CAPN14: variants seen among roughly 807,000 people sequenced by gnomAD.
The protein encoded by CAPN14 is calpain 14.
CAPN14 carries 94 observed loss-of-function variants against 101.3 expected under a neutral mutation model. That is an observed-to-expected ratio of 0.93 (90% CI 0.79 to 1.10). CAPN14 has a LOEUF of 1.10. Among genes scored for constraint, CAPN14 ranks in the 50% least tolerant of loss-of-function variants. CAPN14 has a pLI of 0.00. For synonymous variants in CAPN14, 338 were observed against 317.9 expected, an observed-to-expected ratio of 1.06 and a Z score of -0.67; for missense variants, 837 against 828.4, an observed-to-expected ratio of 1.01 and a Z score of -0.13.
At chr2:31,211,671 GCACACACACACACA>G (rs34380519) in intron 1 of CAPN14, among the ~76,000 whole-genome samples, 2 of 149,344 alleles carry the variant, frequency 1.3e-5, no homozygotes, top group African/African-American at 2.5e-5. Flanking sequence ...GTGTGCATGT[GCACACACACACACA>G]CACACACACA....
chr2:31,174,790 C>T lies in CAPN14; in HGVS notation c.2029-83G>A. The T allele has an allele frequency of 3.0e-6, 4 of 1,336,804 alleles. No individual in the cohort carries two copies. In the South Asian group the frequency reaches 5.0e-5, roughly 17 times the overall value. 82.8% of individuals were successfully genotyped at this position (1,336,804 alleles called of 1,614,324 possible). ...TCCCCATCCCACACTCCTGGGGAGC[C>T]ATGGAGACAGAACATTAATGGATGG... is the stretch of plus-strand genomic sequence containing the variant. On this transcript the variant is annotated intron_variant, in intron 21 of 21. Coordinates refer to ENST00000403897, the MANE Select transcript of CAPN14 (RefSeq NM_001145122.2).
In CAPN14 at chr2:31,230,765, T is replaced by A. The variant is rs986223299; in HGVS notation, c.-177+3026A>T. Among the ~76,000 whole-genome samples, 1 of 152,224 alleles carries A rather than the reference T, an allele frequency of 6.6e-6. No homozygotes were observed. The highest frequency in any genetic ancestry group is 2.4e-5 in the African/African-American group (1 of 41,450). ...ATGTGCTTTCATGGGTTTTTGTGTA[T>A]AGGAAATATCTTTTCACTCACTTTT... On this transcript the variant is annotated intron_variant and NMD_transcript_variant, in intron 1 of 21. Coordinates refer to the CAPN14 transcript ENST00000398824. This position sits in a 1 kb window ranked among gnomAD's most constrained non-coding sequence, Gnocchi z 4.3.
At position 31,193,264 on chromosome 2, in the gene CAPN14, G is replaced by C. The variant is rs990512642; in HGVS notation, c.981C>G (p.Phe327Leu). 6 of 1,551,650 alleles carry C rather than the reference G, an allele frequency of 3.9e-6. No individual in the cohort carries two copies. The South Asian group carries it at 7.1e-5, about 18-fold the overall frequency. Residue 327 changes from phenylalanine to leucine, a missense_variant, in exon 10 of 22, where the codon TTC becomes TTG. Coordinates refer to ENST00000403897, the MANE Select transcript of CAPN14 (RefSeq NM_001145122.2). ...WMTLQDFKTH[F>L]VLLVICKLTP... is the part of the protein sequence containing the mutation. Reference sequence around the variant, plus strand: ...TCAGTTTACAGATAACCAGGAGCACGAAATGTGTTTTAAAGTCCTGCAGCG... The same window carrying C: ...TCAGTTTACAGATAACCAGGAGCACCAAATGTGTTTTAAAGTCCTGCAGCG...
chr2:31,219,414 T>G (rs1682793768), upstream of CAPN14, among the ~76,000 whole-genome samples: 1 of 152,206 alleles, frequency 6.6e-6, no homozygotes, highest in Non-Finnish European at 1.5e-5. Context: ...TGAAGGCAAG[T>G]GCATCTGGTG....
chr2:31,192,418 G>A (rs1173058269), intron 10 of CAPN14, among the ~76,000 whole-genome samples: 1 of 152,184 alleles, frequency 6.6e-6, no homozygotes. Flanking sequence ...CCCTGGGGAG[G>A]TGACCATGAT....
At chr2:31,176,784 G>A (rs570717455) in intron 20 of CAPN14, 142 bp from the exon 21 acceptor site, 33 of 776,838 alleles carry the variant, frequency 4.2e-5, no homozygotes, top group African/African-American at 1.2e-4. Flanking sequence ...GTGACCACAC[G>A]CAGCCACATC....
At chr2:31,208,721 T>C (rs1056067277) in intron 1 of CAPN14, among the ~76,000 whole-genome samples, 10 of 152,198 alleles carry the variant, frequency 6.6e-5, no homozygotes, top group Non-Finnish European at 1.5e-4. Context: ...CATTTCCAGA[T>C]TGGCACAGCT....
At position 31,230,490 on chromosome 2, in the gene CAPN14, A is replaced by G. The variant is rs1262490024; in HGVS notation, c.-177+3301T>C. ...TGCACGCCCATCAGCATTTTATGAG[A>G]GCTCCCATTGCTCTACATCCTCACC... On this transcript the variant is annotated intron_variant and NMD_transcript_variant, in intron 1 of 21. Transcript: ENST00000398824. This position sits in a 1 kb window ranked among gnomAD's most constrained non-coding sequence, Gnocchi z 4.3. 6.6e-6 allele frequency among the ~76,000 whole-genome samples: 1 copy of G among 152,170 alleles called. No individual in the cohort carries two copies. The highest frequency in any genetic ancestry group is 1.5e-5 in the Non-Finnish European group (1 of 68,036).
At chr2:31,231,339 G>C (rs964095733) in intron 1 of CAPN14, among the ~76,000 whole-genome samples, 1 of 152,092 alleles carries the variant, frequency 6.6e-6, no homozygotes, top group Admixed American at 6.5e-5. Context: ...TCACATGTTT[G>C]TGACAAGGAA....
Position 31,191,426 on chromosome 2 carries a change from A to G in CAPN14, c.1279-19T>C. The G allele has an allele frequency of 6.5e-7, 1 of 1,533,522 alleles. No individual in the cohort carries two copies. Among genetic ancestry groups the G allele is most frequent in the Non-Finnish European group, 8.8e-7 (1 of 1,142,220 alleles). The allele number at this position is 1,533,522 out of a possible 1,614,324, so 95.0% of individuals were successfully genotyped here. A position where few individuals can be genotyped will look rare whatever the true frequency, so the allele number is the denominator to read the frequency against. On this transcript the variant is annotated intron_variant, in intron 11 of 21. Transcript: ENST00000403897. Reference sequence around the variant, plus strand: ...TGTTCATCTAAAAAACAAAAACAAAAACAGAAAAAAAAAAAAAAAGAGGAG... The same window carrying G: ...TGTTCATCTAAAAAACAAAAACAAAGACAGAAAAAAAAAAAAAAAGAGGAG...
At chr2:31,181,609 T>C (rs1408114614) in intron 16 of CAPN14, among the ~76,000 whole-genome samples, 2 of 149,988 alleles carry the variant, frequency 1.3e-5, no homozygotes, top group Admixed American at 6.6e-5. Context: ...GCCATGCTGG[T>C]GTGCTGCACC....
At position 31,174,686 on chromosome 2, in the gene CAPN14, A is replaced by G; in HGVS notation, c.2050T>C (p.Ser684Pro). ...GCAGGTGAGACTCAGCCTTCTCAGG[A>G]GTACAGTGCCATCATCATCCACTGG... ...KPEWMMMALY[S>P] Residue 684 changes from serine to proline, a missense_variant, in exon 22 of 22, where the codon TCC becomes CCC. By Grantham distance (74) the Ser-to-Pro change is moderately conservative (BLOSUM62 -1). Transcript: ENST00000403897. The G allele has an allele frequency of 6.4e-7, 1 of 1,551,594 alleles. No homozygotes were observed. Among genetic ancestry groups the G allele is most frequent in the Non-Finnish European group, 8.7e-7 (1 of 1,146,976 alleles).
chr2:31,229,918 A>T (rs1016057610), intron 1 of CAPN14, among the ~76,000 whole-genome samples: 1 of 152,212 alleles, frequency 6.6e-6, no homozygotes, highest in South Asian at 2.1e-4. Flanking sequence ...CATTAATGAA[A>T]TTGTATGATT....
chr2:31,173,728 C>G lies in CAPN14; in HGVS notation c.*953G>C, dbSNP rs942226186. 6.6e-6 allele frequency: 1 copy of G among 152,124 alleles called. No individual in the cohort carries two copies. The highest frequency in any genetic ancestry group is 1.5e-5 in the Non-Finnish European group (1 of 68,030). The allele number at this position is 152,124 out of a possible 1,614,324, so 9.4% of individuals were successfully genotyped here. On this transcript the variant is annotated 3_prime_UTR_variant, in exon 22 of 22. Transcript: ENST00000403897. ...TGTAGTAATAAATGGCTCTGAGGTG[C>G]TAACTTATGAATAAATTGCATAGAC... is the stretch of plus-strand genomic sequence containing the variant.
At chr2:31,183,343 A>G (rs1393116873) in intron 16 of CAPN14, among the ~76,000 whole-genome samples, 2 of 152,220 alleles carry the variant, frequency 1.3e-5, no homozygotes, top group African/African-American at 2.4e-5. Context: ...AATGGGATCT[A>G]ATTAAACTAA....
Position 31,191,415 on chromosome 2 carries a change from A to G in CAPN14, c.1279-8T>C. 6.5e-7 allele frequency: 1 copy of G among 1,540,094 alleles called. No homozygotes were observed. Among genetic ancestry groups the G allele is most frequent in the Non-Finnish European group, 8.7e-7 (1 of 1,144,680 alleles). On this transcript the variant is annotated splice_region_variant and splice_polypyrimidine_tract_variant and intron_variant, in intron 11 of 21. Coordinates refer to ENST00000403897, the MANE Select transcript of CAPN14 (RefSeq NM_001145122.2). ...AGAACTCACCTTGTTCATCTAAAAA[A>G]CAAAAACAAAAACAGAAAAAAAAAA...
At chr2:31,199,358 G>T in intron 7 of CAPN14, 112 bp downstream of exon 7, 1 of 935,710 alleles carries the variant, frequency 1.1e-6, no homozygotes, top group Non-Finnish European at 1.7e-6. Context: ...ACCCACCAAA[G>T]ACTTTACCCA....
chr2:31,197,363 A>C (rs945945902), intron 7 of CAPN14, 29 bp from the exon 8 acceptor site: 1 of 1,472,552 alleles, frequency 6.8e-7, no homozygotes, highest in Admixed American at 2.0e-5. Flanking sequence ...AGTTTAGGTG[A>C]CTGGGCTGAG....
chr2:31,199,586 T>A (rs7563977), intron 6 of CAPN14, 54 bp from the exon 7 acceptor site: 244,836 of 1,450,564 alleles, frequency 0.17, 22,545 homozygotes, highest in East Asian at 0.33. Context: ...AGCTTATTCT[T>A]TGAGTCGTGG....
Sources: gnomAD v4.1 joint callset for allele counts (sites outside exome capture counted in the v4.1 genomes callset) on GRCh38, gnomAD v4.1.1 for gene constraint, Gnocchi (gnomAD v3.1) non-coding constraint, MANE v1.5 for transcripts, NCBI Gene and HGNC (gene_info 2026-07-23, HGNC 2026-07-21) for gene names.